The following PRKN variants were observed in gnomAD, a reference collection of about 807,000 sequenced individuals.
PRKN encodes parkin RBR E3 ubiquitin protein ligase.
In PRKN, 56 loss-of-function variants were observed where a neutral mutation model predicts 59.5. The observed-to-expected ratio is 0.94, with a 90% CI of 0.76 to 1.18. The LOEUF (loss-of-function observed/expected upper bound fraction) is 1.18. PRKN is among the 50% of genes most tolerant of loss of function. The pLI is 0.00. For synonymous variants in PRKN, 250 were observed against 222.1 expected, an observed-to-expected ratio of 1.13 and a Z score of -1.12; for missense variants, 657 against 596.4, an observed-to-expected ratio of 1.10 and a Z score of -1.06.
At chr6:161,950,863 C>T (rs1321748512) in intron 6 of PRKN, among the ~76,000 whole-genome samples, 1 of 151,494 alleles carries the variant, frequency 6.6e-6, no homozygotes, top group Non-Finnish European at 1.5e-5. Context: ...AGGCGAAGGG[C>T]TAGAAGAGGG....
chr6:161,518,184 C>T lies in PRKN; in HGVS notation c.1083+30670G>A, dbSNP rs529082073. Among the ~76,000 whole-genome samples, 35 of 152,270 alleles carry T rather than the reference C, an allele frequency of 2.3e-4. 1 individual carries two copies. The highest frequency in any genetic ancestry group is 1.4e-3 in the South Asian group (7 of 4,830). On this transcript the variant is annotated intron_variant, in intron 9 of 11. Coordinates refer to ENST00000366898, the MANE Select transcript of PRKN (RefSeq NM_004562.3). The surrounding 1 kb of genome is among the most constrained non-coding windows in gnomAD (Gnocchi z 5.0). ...CACTGGCAGCTGGACAGTGACTCCA[C>T]ACCATGGGGCCGGGGAGGTGGCAAC...
In PRKN at chr6:161,428,888, T is replaced by G. The variant is rs1321727594; in HGVS notation, c.1084-42011A>C. ...TTTCAAGCAGGCCTCTATCATGTGC[T>G]GACCTATGGCTAGGGGTCCCTGGTT... On this transcript the variant is annotated intron_variant, in intron 9 of 11. Transcript: ENST00000366898. The surrounding 1 kb of genome is among the most constrained non-coding windows in gnomAD (Gnocchi z 4.0). Among the ~76,000 whole-genome samples, 5 of 152,344 alleles carry G rather than the reference T, an allele frequency of 3.3e-5. No homozygotes were observed. Among genetic ancestry groups the G allele is most frequent in the Admixed American group, 6.5e-5 (1 of 15,306 alleles).
At chr6:162,264,248 G>A (rs1780023460) in intron 2 of PRKN, among the ~76,000 whole-genome samples, 2 of 152,066 alleles carry the variant, frequency 1.3e-5, no homozygotes, top group African/African-American at 4.8e-5. Flanking sequence ...CTGCACTCCA[G>A]CCTGGGCAAC....
chr6:162,629,433 T>C (rs1041937727), intron 1 of PRKN, among the ~76,000 whole-genome samples: 6 of 152,136 alleles, frequency 3.9e-5, no homozygotes, highest in African/African-American at 1.4e-4. Flanking sequence ...TATTCCTCTC[T>C]TCATACATTT....
intron 1 of PRKN, among the ~76,000 whole-genome samples, chr6:162,683,051 T>G (rs1779831945): frequency 6.6e-6 from 1 of 152,194 alleles, no homozygotes; most frequent in African/African-American, 2.4e-5. Context: ...TATTTTTACT[T>G]TCTTGTATTT....
At chr6:162,055,929 A>T (rs1777837956) in intron 4 of PRKN, among the ~76,000 whole-genome samples, 2 of 151,680 alleles carry the variant, frequency 1.3e-5, no homozygotes, top group African/African-American at 4.8e-5. Flanking sequence ...TTACCATTAC[A>T]TGTGTGCACA....
intron 2 of PRKN, among the ~76,000 whole-genome samples, chr6:162,423,943 TAC>T (rs1427698368): frequency 6.6e-6 from 1 of 152,172 alleles, no homozygotes. Context: ...CACAAAAACC[TAC>T]ACACAGATGT....
chr6:162,135,962 ATTTTCTCACTGAAGCC>A (rs1781547553), intron 4 of PRKN, among the ~76,000 whole-genome samples: 2 of 151,966 alleles, frequency 1.3e-5, no homozygotes, highest in African/African-American at 4.8e-5. Flanking sequence ...AGTCAGATGG[ATTTTCTCACTGAAGCC>A]TTGCTGAGTC....
chr6:162,298,489 T>C (rs934429423), intron 2 of PRKN, among the ~76,000 whole-genome samples: 3 of 152,022 alleles, frequency 2.0e-5, no homozygotes, highest in Non-Finnish European at 2.9e-5. Context: ...GAATCTGAAC[T>C]GACACACCCT....
At chr6:162,378,343 A>G (rs963411220) in intron 2 of PRKN, among the ~76,000 whole-genome samples, 1 of 152,216 alleles carries the variant, frequency 6.6e-6, no homozygotes. Flanking sequence ...AAGATCATAA[A>G]GGAGATGACA....
At chr6:161,794,749 C>A (rs909053485) in intron 6 of PRKN, among the ~76,000 whole-genome samples, 2 of 152,154 alleles carry the variant, frequency 1.3e-5, no homozygotes, top group South Asian at 4.1e-4. Flanking sequence ...CTTATTCCCC[C>A]CAAAACTACA....
At chr6:162,281,346 C>T (rs1002653110) in intron 2 of PRKN, among the ~76,000 whole-genome samples, 5 of 151,862 alleles carry the variant, frequency 3.3e-5, no homozygotes, top group African/African-American at 9.7e-5. Flanking sequence ...AGCAAACCAC[C>T]ATGGCACATG....
rs3081921 is a variant in PRKN, at chr6:162,402,248, C to CA, written c.171+41061dup. 2.7e-3 allele frequency among the ~76,000 whole-genome samples: 332 copies of CA among 124,994 alleles called. 2 individuals are homozygous for CA. The highest frequency in any genetic ancestry group is 4.4e-3 in the Middle Eastern group (1 of 226). The allele number at this position is 124,994 out of a possible 152,430, so 82.0% of individuals were successfully genotyped here. A position where few individuals can be genotyped will look rare whatever the true frequency, so the allele number is the denominator to read the frequency against. On this transcript the variant is annotated intron_variant, in intron 2 of 11. Coordinates refer to ENST00000366898, the MANE Select transcript of PRKN (RefSeq NM_004562.3). Reference sequence around the variant, plus strand: ...TGGGTGACAGAGTGAGACTCTGTCTCAAAAAAAAAAAAAAAAAGTTTCAAA... The same window carrying CA: ...TGGGTGACAGAGTGAGACTCTGTCTCAAAAAAAAAAAAAAAAAAGTTTCAAA...
intron 2 of PRKN, among the ~76,000 whole-genome samples, chr6:162,411,094 T>C (rs1217449903): frequency 2.0e-5 from 3 of 152,184 alleles, no homozygotes; most frequent in Non-Finnish European, 1.5e-5. Context: ...TATTTTAAAT[T>C]ACAATAATCT....
chr6:161,845,090 A>G (rs1793145863), intron 6 of PRKN, among the ~76,000 whole-genome samples: 1 of 152,224 alleles, frequency 6.6e-6, no homozygotes, highest in Admixed American at 6.5e-5. Flanking sequence ...TAGAGTCAGA[A>G]CTTGAACCTA....
At chr6:161,632,986 G>A (rs911653778) in intron 7 of PRKN, among the ~76,000 whole-genome samples, 1 of 152,148 alleles carries the variant, frequency 6.6e-6, no homozygotes, top group Non-Finnish European at 1.5e-5. Flanking sequence ...CATATCAGAA[G>A]CTTTGCAGAT....
chr6:161,769,501 T>C (rs9347540), intron 7 of PRKN, among the ~76,000 whole-genome samples: 77,749 of 151,924 alleles, frequency 0.51, 20,474 homozygotes, highest in Non-Finnish European at 0.57. Context: ...CCAGTACCCC[T>C]AGAGGAATAT....
rs112576361 is a variant in PRKN at position 161,757,819 on chromosome 6, T to A, written c.871+27953A>T. On this transcript the variant is annotated intron_variant, in intron 7 of 11. Coordinates refer to ENST00000366898, the MANE Select transcript of PRKN (RefSeq NM_004562.3). The stretch of plus-strand genomic sequence containing the variant: ...CACCATTGCACTCCAGCCTGGGCAA[T>A]AGAGCAAAACTCCATCTCTCTCTCT... Among the ~76,000 whole-genome samples the A allele has an allele frequency of 6.0e-4, 39 of 64,510 alleles. 1 individual carries two copies. The East Asian group carries it at 0.02, about 33-fold the overall frequency. The allele number at this position is 64,510 out of a possible 152,430, so 42.3% of individuals were successfully genotyped here.
At chr6:162,185,771 C>T (rs143430071) in intron 4 of PRKN, among the ~76,000 whole-genome samples, 1 of 151,978 alleles carries the variant, frequency 6.6e-6, no homozygotes, top group Non-Finnish European at 1.5e-5. Context: ...AAAGATGGAG[C>T]CTTCAAAACA....
Sources: gnomAD v4.1 joint callset for allele counts (sites outside exome capture counted in the v4.1 genomes callset) on GRCh38, gnomAD v4.1.1 for gene constraint, Gnocchi (gnomAD v3.1) non-coding constraint, MANE v1.5 for transcripts, NCBI Gene and HGNC (gene_info 2026-07-23, HGNC 2026-07-21) for gene names.